The following RANBP2 variants were observed in gnomAD, a reference collection of about 807,000 sequenced individuals.
RANBP2 encodes E3 SUMO-protein ligase RanBP2.
In RANBP2, 57 loss-of-function variants were observed where a neutral mutation model predicts 303.6. That is an observed-to-expected ratio of 0.19 (90% confidence interval 0.15 to 0.23). The LOEUF (loss-of-function observed/expected upper bound fraction) is 0.23. Among genes scored for constraint, RANBP2 ranks in the 10% least tolerant of loss-of-function variants. The pLI, the probability that RANBP2 is intolerant of heterozygous loss-of-function variation, is 1.00. For synonymous variants in RANBP2, 1,167 were observed against 1,301.5 expected, an observed-to-expected ratio of 0.90 and a Z score of 2.23; for missense variants, 3,138 against 3,780.8, an observed-to-expected ratio of 0.83 and a Z score of 4.46.
the RANBP2 span, among the ~76,000 whole-genome samples, chr2:108,874,881 A>G: frequency 6.6e-6 from 1 of 151,120 alleles, no homozygotes; most frequent in Admixed American, 6.6e-5. Flanking sequence ...CTGCAATAAC[A>G]TTACTTAGAT....
the RANBP2 span, among the ~76,000 whole-genome samples, chr2:109,468,007 A>G: frequency 6.6e-6 from 1 of 152,234 alleles, no homozygotes. Flanking sequence ...AGCGGAAAAC[A>G]TTTCAGCCCA....
the RANBP2 span, among the ~76,000 whole-genome samples, chr2:109,156,355 G>T: frequency 6.6e-6 from 1 of 152,188 alleles, no homozygotes; most frequent in African/African-American, 2.4e-5. Flanking sequence ...CCTAGATGGT[G>T]ATCTTGCTGG....
the RANBP2 span, among the ~76,000 whole-genome samples, chr2:109,396,695 C>G: frequency 6.6e-6 from 1 of 152,230 alleles, no homozygotes; most frequent in African/African-American, 2.4e-5. Context: ...TGACGTCAGA[C>G]TTGACTCCTG....
the RANBP2 span, among the ~76,000 whole-genome samples, chr2:109,655,519 CAG>C: frequency 3.9e-5 from 6 of 152,128 alleles, no homozygotes; most frequent in Admixed American, 2.6e-4. Context: ...CTTGGAGGGG[CAG>C]AGACTGGGGA....
chr2:109,513,605 CACTA>C, the RANBP2 span, among the ~76,000 whole-genome samples: 10 of 152,218 alleles, frequency 6.6e-5, no homozygotes, highest in South Asian at 2.1e-4. Context: ...CACGTCCACA[CACTA>C]TATGCACATG....
chr2:108,910,748 T>C, the RANBP2 span: 1 of 1,610,588 alleles, frequency 6.2e-7, no homozygotes, highest in African/African-American at 1.3e-5. Flanking sequence ...ACCGTGCACA[T>C]GGTGTGTGGA....
chr2:109,426,446 G>C, the RANBP2 span, among the ~76,000 whole-genome samples: 1,556 of 152,308 alleles, frequency 0.01, 20 homozygotes, highest in Middle Eastern at 0.048. Flanking sequence ...GGAAGTCACC[G>C]CAGATGTGGT....
the RANBP2 span, among the ~76,000 whole-genome samples, chr2:109,588,337 GT>G: frequency 6.6e-6 from 1 of 151,816 alleles, no homozygotes; most frequent in Non-Finnish European, 1.5e-5. Context: ...TGTAAGAGAG[GT>G]TTTTTTTAAC....
At chr2:109,238,258 T>C in the RANBP2 span, among the ~76,000 whole-genome samples, 1,124 of 152,244 alleles carry the variant, frequency 7.4e-3, 9 homozygotes, top group South Asian at 0.024. Context: ...AGAAAAGTGT[T>C]GGCTCTAAAA....
the RANBP2 span, among the ~76,000 whole-genome samples, chr2:109,414,985 C>T: frequency 1.4e-4 from 22 of 152,292 alleles, no homozygotes; most frequent in African/African-American, 3.4e-4. Context: ...CCTGGGCCAC[C>T]GCAGCCACAA....
the RANBP2 span, among the ~76,000 whole-genome samples, chr2:109,629,961 C>G: frequency 3.9e-5 from 6 of 152,270 alleles, no homozygotes; most frequent in South Asian, 1.2e-3. Context: ...AGCTAGATGT[C>G]CCAGGCTCTG....
chr2:109,427,389 G>A, the RANBP2 span, among the ~76,000 whole-genome samples: 2,304 of 152,158 alleles, frequency 0.015, 61 homozygotes, highest in African/African-American at 0.053. Flanking sequence ...CCAAAAATTC[G>A]GGTGACAGTT....
the RANBP2 span, among the ~76,000 whole-genome samples, chr2:109,496,723 A>C: frequency 2.6e-5 from 4 of 152,196 alleles, no homozygotes; most frequent in Non-Finnish European, 4.4e-5. Context: ...AATGGCCCCC[A>C]AAGATGTCTA....
chr2:108,993,124 A>G, the RANBP2 span, among the ~76,000 whole-genome samples: 1 of 152,210 alleles, frequency 6.6e-6, no homozygotes, highest in South Asian at 2.1e-4. Flanking sequence ...GACACCAGCA[A>G]GCTGATGTGG....
chr2:108,937,622 GTCTGTA>G, the RANBP2 span, among the ~76,000 whole-genome samples: 3 of 80,624 alleles, frequency 3.7e-5, no homozygotes, highest in Non-Finnish European at 1.2e-4. Context: ...GTGTGTGAGT[GTCTGTA>G]TGTTTATGTT....
the RANBP2 span, among the ~76,000 whole-genome samples, chr2:109,217,669 C>T: frequency 1.3e-5 from 2 of 152,250 alleles, no homozygotes; most frequent in African/African-American, 4.8e-5. Context: ...GAAGCTCTCT[C>T]ACCGGCTAGA....
At chr2:109,101,062 G>A in the RANBP2 span, among the ~76,000 whole-genome samples, 2 of 152,136 alleles carry the variant, frequency 1.3e-5, no homozygotes, top group African/African-American at 2.4e-5. Flanking sequence ...AACTGCCTGG[G>A]TTCAGAGTCA....
chr2:108,876,123 A>C, the RANBP2 span: 1 of 1,605,246 alleles, frequency 6.2e-7, no homozygotes, highest in African/African-American at 1.3e-5. Context: ...TTTACGATTC[A>C]TCTGATGCTT....
chr2:109,280,483 C>T, the RANBP2 span, among the ~76,000 whole-genome samples: 79 of 152,232 alleles, frequency 5.2e-4, no homozygotes, highest in African/African-American at 7.0e-4. Context: ...TTCTCGTTCC[C>T]GGGTGCTGGT....
Sources: gnomAD v4.1 joint callset for allele counts (sites outside exome capture counted in the v4.1 genomes callset) on GRCh38, gnomAD v4.1.1 for gene constraint, MANE v1.5 for transcripts, NCBI Gene and HGNC (gene_info 2026-07-23, HGNC 2026-07-21) for gene names.